Variants in AHRR observed in about 807,000 individuals in gnomAD.
The protein encoded by AHRR is aryl hydrocarbon receptor repressor, also known as ahR repressor.
A neutral mutation model predicts 44.0 loss-of-function variants in AHRR; 28 were observed. The ratio of observed to expected loss-of-function variants is 0.64; its 90% CI spans 0.47 to 0.87. AHRR has a LOEUF of 0.87. AHRR is among the 40% of genes least tolerant of loss of function. The pLI, the probability that AHRR is intolerant of heterozygous loss-of-function variation, is 0.00. For missense variants in AHRR, 990 were observed against 953.9 expected (o/e 1.04, Z -0.50); for synonymous variants, 434 against 407.0 (o/e 1.07, Z -0.80).
intron 5 of AHRR, among the ~76,000 whole-genome samples, chr5:416,149 G>T (rs561498662): frequency 6.6e-6 from 1 of 152,248 alleles, no homozygotes; most frequent in Non-Finnish European, 1.5e-5. Context: ...GGTGGAGGAC[G>T]CAGGGGGACA....
intron 4 of AHRR, among the ~76,000 whole-genome samples, chr5:384,080 T>C (rs1168408544): frequency 6.6e-6 from 1 of 152,204 alleles, no homozygotes; most frequent in East Asian, 1.9e-4. Flanking sequence ...AAATGCCTCC[T>C]TATTCCTGAT....
At chr5:400,023 G>A (rs561673920) in intron 4 of AHRR, among the ~76,000 whole-genome samples, 9 of 152,310 alleles carry the variant, frequency 5.9e-5, no homozygotes, top group Middle Eastern at 3.4e-3. Flanking sequence ...CCAGGAGGCC[G>A]GGCCAGCTGC....
intron 1 of AHRR, among the ~76,000 whole-genome samples, chr5:330,450 T>TGTA (rs1365171721): frequency 1.3e-5 from 2 of 152,134 alleles, no homozygotes; most frequent in African/African-American, 4.8e-5. Flanking sequence ...CTTGGCTCAC[T>TGTA]GTAACCTCTG....
At chr5:381,798 G>A (rs1733997702) in intron 4 of AHRR, among the ~76,000 whole-genome samples, 1 of 152,156 alleles carries the variant, frequency 6.6e-6, no homozygotes, top group Non-Finnish European at 1.5e-5. Flanking sequence ...ACAGGCGTGA[G>A]CCACCGTACC....
intron 3 of AHRR, among the ~76,000 whole-genome samples, chr5:359,444 C>T (rs1434764977): frequency 6.6e-6 from 1 of 152,100 alleles, no homozygotes. Context: ...TGGCTGTGTC[C>T]ACCTCTATGC....
intron 3 of AHRR, among the ~76,000 whole-genome samples, chr5:376,015 G>A (rs898432353): frequency 1.8e-5 from 2 of 111,554 alleles, no homozygotes; most frequent in South Asian, 2.1e-4. Flanking sequence ...CCTGCCCTGC[G>A]GTGTTCTGTG....
In AHRR at chr5:386,007, G is replaced by A. The variant is rs140877996; in HGVS notation, c.351+9291G>A. Among the ~76,000 whole-genome samples the A allele has an allele frequency of 4.8e-3, 736 of 152,118 alleles. 5 individuals carry two copies. Among genetic ancestry groups the A allele is most frequent in the South Asian group, 0.018 (89 of 4,814 alleles). ...CCATTTGCTATTAAACTCATCCAAT[G>A]AAATGTTTACTTCATGTATTTTATT... On this transcript the variant is annotated intron_variant, in intron 4 of 10. Coordinates refer to ENST00000684583, the MANE Select transcript of AHRR (RefSeq NM_001377236.1).
chr5:407,903 G>C (rs1158339777), intron 4 of AHRR, among the ~76,000 whole-genome samples: 2 of 152,202 alleles, frequency 1.3e-5, no homozygotes, highest in Non-Finnish European at 2.9e-5. Context: ...CGTCTGCAAA[G>C]AGAGAGTTTC....
At chr5:360,035 C>T (rs774706605) in intron 3 of AHRR, among the ~76,000 whole-genome samples, 3 of 152,164 alleles carry the variant, frequency 2.0e-5, no homozygotes, top group Non-Finnish European at 2.9e-5. Context: ...ATCCCTTCAC[C>T]TATTCATATA....
At chr5:429,122 G>A (rs571049868) in intron 8 of AHRR, among the ~76,000 whole-genome samples, 2 of 152,358 alleles carry the variant, frequency 1.3e-5, no homozygotes, top group South Asian at 4.1e-4. Context: ...TGCCTTGCGT[G>A]CTGGGAGAGA....
At chr5:420,470 A>T (rs1736025744) in intron 5 of AHRR, among the ~76,000 whole-genome samples, 1 of 152,184 alleles carries the variant, frequency 6.6e-6, no homozygotes, top group African/African-American at 2.4e-5. Flanking sequence ...AGTTGAACGG[A>T]GGTGGGGCCT....
Position 389,717 on chromosome 5 carries a change from C to T in AHRR, c.351+13001C>T, listed in dbSNP as rs563426789. Among the ~76,000 whole-genome samples, 18 of 151,954 alleles carry T rather than the reference C, an allele frequency of 1.2e-4. No individual in the cohort carries two copies. The South Asian group carries it at 1.7e-3, about 14-fold the overall frequency. ...TGACGGCCCAGAGAAAGGACCAGGG[C>T]GCAGATATGGCGGCCCCCAGGACAC... On this transcript the variant is annotated intron_variant, in intron 4 of 10. Transcript: ENST00000684583.
intron 10 of AHRR, 63 bp downstream of exon 10, chr5:433,010 A>C: frequency 6.7e-7 from 1 of 1,498,912 alleles, no homozygotes; most frequent in Non-Finnish European, 8.9e-7. Flanking sequence ...TGGAGGCCAA[A>C]GAGCGGGTGG....
intron 4 of AHRR, among the ~76,000 whole-genome samples, chr5:403,034 G>T (rs1265087210): frequency 6.6e-6 from 1 of 152,152 alleles, no homozygotes; most frequent in African/African-American, 2.4e-5. Context: ...GGCCGGGGGT[G>T]TGGGAGGGGG....
chr5:392,543 C>T (rs566016670), intron 4 of AHRR, among the ~76,000 whole-genome samples: 12 of 152,262 alleles, frequency 7.9e-5, no homozygotes, highest in Non-Finnish European at 1.0e-4. Flanking sequence ...GGCCTAAAGA[C>T]GGTGTCTGAA....
At position 376,623 on chromosome 5, in the gene AHRR, G is replaced by A. The variant is rs1384888713; in HGVS notation, c.258G>A (p.Gln86=). The A allele has an allele frequency of 5.8e-6, 7 of 1,208,384 alleles. No homozygotes were observed. The highest frequency in any genetic ancestry group is 7.3e-6 in the Non-Finnish European group (7 of 952,602). The allele number at this position is 1,208,384 out of a possible 1,614,324, so 74.9% of individuals were successfully genotyped here. A position where few individuals can be genotyped will look rare whatever the true frequency, so the allele number is the denominator to read the frequency against. Residue 86 remains glutamine (Q), a synonymous_variant, in exon 4 of 11, where the codon CAG becomes CAA. Transcript: ENST00000684583. ...VKSFFQVVQE[Q]SSRQPAAGAP... ...CTTCTCTGACAGTCGTGCAGGAGCA[G>A]AGCTCACGGCAGCCTGCGGCCGGCG...
Position 423,929 on chromosome 5 carries a change from C to T in AHRR, c.660C>T (p.Cys220=), listed in dbSNP as rs768206875. 1.9e-6 allele frequency: 3 copies of T among 1,602,636 alleles called. No individual in the cohort carries two copies. The highest frequency in any genetic ancestry group is 3.3e-5 in the Admixed American group (2 of 60,024). ...PTEYSAFLTR[C]FICRVRCLLD... ...AGTACTCGGCCTTCCTGACCCGCTGCTTCATCTGCCGTGTGCGCTGCCTGC... is the reference window on the plus strand; with the variant it reads ...AGTACTCGGCCTTCCTGACCCGCTGTTTCATCTGCCGTGTGCGCTGCCTGC... Residue 220 remains cysteine, a synonymous_variant, in exon 7 of 11, where the codon TGC becomes TGT. Coordinates refer to ENST00000684583, the MANE Select transcript of AHRR (RefSeq NM_001377236.1).
intron 2 of AHRR, among the ~76,000 whole-genome samples, chr5:349,696 T>A (rs1049260724): frequency 2.6e-4 from 39 of 152,240 alleles, no homozygotes; most frequent in Admixed American, 1.8e-3. Context: ...CCCCAAGGTC[T>A]GAAGGATTGA....
chr5:374,864 G>A (rs1217666911), intron 3 of AHRR, among the ~76,000 whole-genome samples: 2 of 152,210 alleles, frequency 1.3e-5, no homozygotes, highest in African/African-American at 2.4e-5. Flanking sequence ...TCCAGCAGCC[G>A]GTTCCGGGGT....
Sources: allele counts gnomAD v4.1 joint callset (sites outside exome capture counted in the v4.1 genomes callset), GRCh38; gene constraint gnomAD v4.1.1; transcripts MANE v1.5; gene names NCBI Gene and HGNC (gene_info 2026-07-23, HGNC 2026-07-21).